The following DDX25 variants were observed in gnomAD, a reference collection of about 807,000 sequenced individuals.
DDX25 encodes the protein ATP-dependent RNA helicase DDX25.
A neutral mutation model predicts 64.6 loss-of-function variants in DDX25; 70 were observed. That is an observed-to-expected ratio of 1.08 (90% CI 0.89 to 1.32). The LOEUF is 1.32. DDX25 is among the 40% of genes most tolerant of loss of function. The pLI is 0.00. For synonymous variants in DDX25, 211 were observed against 213.3 expected (o/e 0.99, Z 0.09); for missense variants, 587 against 604.4 (o/e 0.97, Z 0.30).
chr11:125,904,530 C>G lies in DDX25; in HGVS notation c.13C>G (p.Leu5Val), dbSNP rs983385275. Residue 5 changes from leucine (L) to valine (V), a missense_variant, in exon 1 of 12, where the codon CTG (leucine) becomes GTG (valine). Physicochemically the swap from Leu to Val is conservative, Grantham distance 32. Coordinates refer to ENST00000263576, the MANE Select transcript of DDX25 (RefSeq NM_013264.5). MASL[L>V]WGGDAGAAES... ...AGCAATCGCAGCCATGGCGTCGTTA[C>G]TGTGGGGAGGCGACGCAGGGGCGGC... The G allele has an allele frequency of 5.5e-5, 82 of 1,496,446 alleles. No individual in the cohort carries two copies. The highest frequency in any genetic ancestry group is 7.2e-5 in the Non-Finnish European group (81 of 1,123,758). 92.7% of individuals were successfully genotyped at this position (1,496,446 alleles called of 1,614,324 possible).
At chr11:125,907,535 G>A (rs1471456783) in intron 4 of DDX25, among the ~76,000 whole-genome samples, 2 of 152,102 alleles carry the variant, frequency 1.3e-5, no homozygotes, top group African/African-American at 4.8e-5. Context: ...GTGAACCCGG[G>A]AGGTGGAGCT....
rs1945147287 is a variant in DDX25, at chr11:125,924,134, AC to A, written c.*1254del. The stretch of plus-strand genomic sequence containing the variant: ...ATAAAAATTAGCTGGGCGTGGTGGT[AC>A]GCGTGCCTGTAATCCCAGCTACTCA... On this transcript the variant is annotated 3_prime_UTR_variant, in exon 12 of 12. Transcript: ENST00000263576. The A allele has an allele frequency of 6.6e-6, 1 of 152,070 alleles. No individual in the cohort carries two copies. The highest frequency in any genetic ancestry group is 1.5e-5 in the Non-Finnish European group (1 of 68,036). The allele number at this position is 152,070 out of a possible 1,614,324, so 9.4% of individuals were successfully genotyped here.
chr11:125,907,379 G>A (rs71475932), intron 4 of DDX25, among the ~76,000 whole-genome samples: 1 of 151,820 alleles, frequency 6.6e-6, no homozygotes, highest in Non-Finnish European at 1.5e-5. Context: ...GAGGCCAAGG[G>A]GGGCGGATCA....
intron 4 of DDX25, 33 bp from the exon 5 acceptor site, chr11:125,908,163 A>G (rs1337250939): frequency 2.6e-6 from 4 of 1,516,164 alleles, no homozygotes; most frequent in African/African-American, 3.1e-5. Context: ...GACCAACTAT[A>G]ATCTGTAAGT....
Position 125,927,692 on chromosome 11 carries a change from C to A in DDX25, c.*4811C>A, listed in dbSNP as rs1010850967. The A allele has an allele frequency of 5.9e-5, 9 of 152,264 alleles. No individual in the cohort carries two copies. The East Asian group carries it at 1.2e-3, about 20-fold the overall frequency. 9.4% of individuals were successfully genotyped at this position (152,264 alleles called of 1,614,324 possible). A position where few individuals can be genotyped will look rare whatever the true frequency, so the allele number is the denominator to read the frequency against. ...TGCTTTCTGTTATATTCGGAGGTAACATGTATAGGTCATGTATAATGGCCT... is the reference window on the plus strand; with the variant it reads ...TGCTTTCTGTTATATTCGGAGGTAAAATGTATAGGTCATGTATAATGGCCT... On this transcript the variant is annotated 3_prime_UTR_variant, in exon 12 of 12. Transcript: ENST00000263576.
At position 125,908,629 on chromosome 11, in the gene DDX25, A is replaced by G. The variant is rs1213390615; in HGVS notation, c.507+126A>G. The G allele has an allele frequency of 5.0e-6, 5 of 1,000,086 alleles. No homozygotes were observed. In the East Asian group the frequency reaches 7.3e-5, roughly 15 times the overall value. The allele number at this position is 1,000,086 out of a possible 1,614,324, so 62.0% of individuals were successfully genotyped here. On this transcript the variant is annotated intron_variant, in intron 6 of 11. Coordinates refer to ENST00000263576, the MANE Select transcript of DDX25 (RefSeq NM_013264.5). ...AAATATTTAGAAAAGACATGTTTTC[A>G]TAAAATCATAGAGCATTGGGTAGCA...
chr11:125,912,253 T>C (rs538252045), intron 8 of DDX25, among the ~76,000 whole-genome samples: 4 of 152,300 alleles, frequency 2.6e-5, no homozygotes, highest in South Asian at 4.1e-4. Context: ...GAAGTGGGAA[T>C]TGAGTTCTTT....
Position 125,925,685 on chromosome 11 carries a change from T to A in DDX25, c.*2804T>A. The A allele has an allele frequency of 3.1e-6, 1 of 326,032 alleles. No homozygotes were observed. The highest frequency in any genetic ancestry group is 2.4e-5 in the South Asian group (1 of 41,868). The allele number at this position is 326,032 out of a possible 1,614,324, so 20.2% of individuals were successfully genotyped here. ...GGCCAGCTTAATACTGTTAGCATAT[T>A]GAAATTCATGATTACGTAGAGCAGG... is the stretch of plus-strand genomic sequence containing the variant. On this transcript the variant is annotated 3_prime_UTR_variant, in exon 12 of 12. Transcript: ENST00000263576.
chr11:125,907,266 C>G (rs1357627275), intron 4 of DDX25, among the ~76,000 whole-genome samples: 3 of 152,204 alleles, frequency 2.0e-5, no homozygotes, highest in African/African-American at 7.2e-5. Flanking sequence ...TTAAGATGGG[C>G]TACCAGTCCT....
At chr11:125,918,516 ACTC>A in intron 9 of DDX25, 109 bp from the exon 10 acceptor site, 13 of 1,387,164 alleles carry the variant, frequency 9.4e-6, no homozygotes, top group Non-Finnish European at 1.1e-5. Context: ...GTGAAGCTCA[ACTC>A]CTCTGCAGCC....
Position 125,924,687 on chromosome 11 carries a change from G to A in DDX25, c.*1806G>A, listed in dbSNP as rs1945152467. 6.6e-6 allele frequency: 1 copy of A among 152,296 alleles called. No individual in the cohort carries two copies. Among genetic ancestry groups the A allele is most frequent in the South Asian group, 2.1e-4 (1 of 4,836 alleles). The allele number at this position is 152,296 out of a possible 1,614,324, so 9.4% of individuals were successfully genotyped here. On this transcript the variant is annotated 3_prime_UTR_variant, in exon 12 of 12. Coordinates refer to ENST00000263576, the MANE Select transcript of DDX25 (RefSeq NM_013264.5). ...AAATACAGATTTCCTTCCCCATGCA[G>A]ATGAAAGCAGACTCTCCGAGGGCAG...
intron 8 of DDX25, among the ~76,000 whole-genome samples, chr11:125,912,518 G>C (rs1157818341): frequency 6.6e-6 from 1 of 152,188 alleles, no homozygotes; most frequent in Non-Finnish European, 1.5e-5. Context: ...GTATTTGCAT[G>C]TAACTTATAC....
At chr11:125,914,762 A>G (rs1240769017) in intron 8 of DDX25, among the ~76,000 whole-genome samples, 20 of 152,120 alleles carry the variant, frequency 1.3e-4, no homozygotes, top group Non-Finnish European at 2.1e-4. Context: ...TCTGAGATGG[A>G]GTCTCACTGT....
chr11:125,908,059 G>C, intron 4 of DDX25, 137 bp from the exon 5 acceptor site: 1 of 675,610 alleles, frequency 1.5e-6, no homozygotes, highest in Non-Finnish European at 2.5e-6. Flanking sequence ...GTTGAGGTAT[G>C]AATGATCTAT....
rs752598567 is a variant in DDX25 at position 125,911,290 on chromosome 11, TTAAA to T, written c.623-20_623-17del. 91 of 1,598,614 alleles carry T rather than the reference TTAAA, an allele frequency of 5.7e-5. No individual in the cohort carries two copies. The East Asian group carries it at 2.0e-3, about 35-fold the overall frequency. ...GAGTTGTTTGCATCTGAAGGAGTGC[TTAAA>T]ACCCTTTTCTCCCCAGTTCCCAGAG... is the stretch of plus-strand genomic sequence containing the variant. On this transcript the variant is annotated splice_polypyrimidine_tract_variant and intron_variant, in intron 7 of 11. Coordinates refer to ENST00000263576, the MANE Select transcript of DDX25 (RefSeq NM_013264.5).
At chr11:125,905,306 G>T (rs1944868330) in intron 2 of DDX25, 28 bp downstream of exon 2, 10 of 1,549,322 alleles carry the variant, frequency 6.5e-6, no homozygotes, top group Admixed American at 2.0e-5. Context: ...AAAGCAGAGC[G>T]ACCTCAATGA....
rs1945183495 is a variant in DDX25 at position 125,928,113 on chromosome 11, T to C, written c.*5232T>C. On this transcript the variant is annotated 3_prime_UTR_variant, in exon 12 of 12. Coordinates refer to ENST00000263576, the MANE Select transcript of DDX25 (RefSeq NM_013264.5). ...TGAATGTGGATTATTTTTAATTTAATGTTCATATTATAAAAGCAATGAAAC... is the reference window on the plus strand; with the variant it reads ...TGAATGTGGATTATTTTTAATTTAACGTTCATATTATAAAAGCAATGAAAC... The C allele has an allele frequency of 6.6e-6, 1 of 152,238 alleles. No individual in the cohort carries two copies. 9.4% of individuals were successfully genotyped at this position (152,238 alleles called of 1,614,324 possible). A position where few individuals can be genotyped will look rare whatever the true frequency, so the allele number is the denominator to read the frequency against.
At chr11:125,908,137 T>C in intron 4 of DDX25, 59 bp from the exon 5 acceptor site, 1 of 1,362,998 alleles carries the variant, frequency 7.3e-7, no homozygotes, top group Non-Finnish European at 1.0e-6. Flanking sequence ...TTCAGGTATG[T>C]ATTTCTGATG....
intron 6 of DDX25, among the ~76,000 whole-genome samples, chr11:125,909,116 G>A (rs574912084): frequency 2.0e-5 from 3 of 152,102 alleles, no homozygotes; most frequent in Non-Finnish European, 2.9e-5. Context: ...CATTCTCCTA[G>A]TGTAGTTTCC....
Sources: allele counts gnomAD v4.1 joint callset (sites outside exome capture counted in the v4.1 genomes callset), GRCh38; gene constraint gnomAD v4.1.1; transcripts MANE v1.5; gene names NCBI Gene and HGNC (gene_info 2026-07-23, HGNC 2026-07-21).